Variants in SAMD11 observed in about 807,000 individuals in gnomAD.
The protein encoded by SAMD11 is sterile alpha motif domain containing 11.
Under a neutral mutation model 64.4 loss-of-function variants are expected in SAMD11, and 77 were observed. That is an observed-to-expected ratio of 1.20 (90% CI 0.99 to 1.44). SAMD11 has a LOEUF of 1.44. Ranked by LOEUF, SAMD11 falls within the 40% of genes most tolerant of loss-of-function variation. The pLI is 0.00. For synonymous variants in SAMD11, 658 were observed against 421.9 expected (o/e 1.56, Z -6.86); for missense variants, 1,402 against 943.3 (o/e 1.49, Z -6.37).
Position 942,663 on chromosome 1 carries a change from A to C in SAMD11, c.1658A>C (p.Glu553Ala), listed in dbSNP as rs1641859052. Residue 553 changes from glutamate (E) to alanine (A), a missense_variant, in exon 11 of 14, where the codon GAG becomes GCG. Physicochemically the swap from Glu to Ala is moderately radical, Grantham distance 107. Transcript: ENST00000616016. ...TALRPNDGAEELQRRGALLVL... is the reference protein window; with the variant it reads ...TALRPNDGAEALQRRGALLVL... Reference sequence around the variant, plus strand: ...CTGCGCCCCAACGACGGCGCCGAGGAGCTGCAGCGGCGCGGGGCCCTGCTG... The same window carrying C: ...CTGCGCCCCAACGACGGCGCCGAGGCGCTGCAGCGGCGCGGGGCCCTGCTG... The C allele has an allele frequency of 1.4e-6, 2 of 1,431,754 alleles. No individual in the cohort carries two copies. Among genetic ancestry groups the C allele is most frequent in the Non-Finnish European group, 1.8e-6 (2 of 1,100,464 alleles). The allele number at this position is 1,431,754 out of a possible 1,614,324, so 88.7% of individuals were successfully genotyped here.
intron 4 of SAMD11, among the ~76,000 whole-genome samples, chr1:934,862 CGTT>C (rs1641341359): frequency 6.2e-5 from 1 of 16,006 alleles, no homozygotes; most frequent in Non-Finnish European, 1.5e-4. Context: ...GAGGCGGCTG[CGTT>C]ACAGGTGGGC....
At position 940,743 on chromosome 1, in the gene SAMD11, C is replaced by T. The variant is rs112499703; in HGVS notation, c.1196-401C>T. On this transcript the variant is annotated intron_variant, in intron 7 of 13. Transcript: ENST00000616016. ...GGCCAGCCGCGTCTACTATGGGGAC[C>T]TCAGATTTTCTTGCCTCCCACCGAA... 9.7e-4 allele frequency among the ~76,000 whole-genome samples: 147 copies of T among 152,308 alleles called. 1 individual carries two copies. The highest frequency in any genetic ancestry group is 3.5e-3 in the African/African-American group (144 of 41,572).
At position 944,287 on chromosome 1, in the gene SAMD11, C is replaced by A; in HGVS notation, c.*134C>A. ...AAAATTTTAAAAGAAAATGTGACTT[C>A]AAAGGAAAGGAACAAATTTTCAAAG... On this transcript the variant is annotated 3_prime_UTR_variant, in exon 14 of 14. Transcript: ENST00000616016. 15 of 1,420,344 alleles carry A rather than the reference C, an allele frequency of 1.1e-5. No individual in the cohort carries two copies. The highest frequency in any genetic ancestry group is 1.4e-5 in the Non-Finnish European group (15 of 1,090,112). The allele number at this position is 1,420,344 out of a possible 1,614,324, so 88.0% of individuals were successfully genotyped here.
At chr1:943,880 C>A (rs752757591) in intron 13 of SAMD11, 28 bp from the exon 14 acceptor site, 1 of 1,612,966 alleles carries the variant, frequency 6.2e-7, no homozygotes, top group South Asian at 1.1e-5. Context: ...GGGTGTGCGA[C>A]AGCCCCCACC....
In SAMD11 at chr1:942,976, C is replaced by A; in HGVS notation, c.1971C>A (p.Ala657=). 2 of 1,536,356 alleles carry A rather than the reference C, an allele frequency of 1.3e-6. No individual in the cohort carries two copies. The highest frequency in any genetic ancestry group is 1.7e-6 in the Non-Finnish European group (2 of 1,143,272). The part of the protein sequence containing the change: ...PTPGQAPAGG[A]GAEGKGLFPG... ...CGGGCCAAGCTCCAGCTGGAGGGGC[C>A]GGCGCCGAGGGGAAGGGGCTTTTCC... The change falls in exon 11 of 14, where the codon GCC becomes GCA. Residue 657 remains alanine (A), a synonymous_variant. Coordinates refer to ENST00000616016, the MANE Select transcript of SAMD11 (RefSeq NM_001385641.1).
rs74045401 is a variant in SAMD11, at chr1:926,150, G to A, written c.609+137G>A. On this transcript the variant is annotated intron_variant, in intron 2 of 13. Coordinates refer to ENST00000616016, the MANE Select transcript of SAMD11 (RefSeq NM_001385641.1). ...GCTGGAGGGAGCCTCCGAAGGGCAGGGGGAAGCGGCTTTACCTCGTGCTCT... is the reference window on the plus strand; with the variant it reads ...GCTGGAGGGAGCCTCCGAAGGGCAGAGGGAAGCGGCTTTACCTCGTGCTCT... The A allele has an allele frequency of 3.8e-4, 319 of 831,506 alleles. No homozygotes were observed. In the African/African-American group the frequency reaches 4.9e-3, roughly 13 times the overall value. 51.5% of individuals were successfully genotyped at this position (831,506 alleles called of 1,614,324 possible).
At chr1:926,040 G>C in intron 2 of SAMD11, 27 bp downstream of exon 2, 1 of 1,603,646 alleles carries the variant, frequency 6.2e-7, no homozygotes, top group Non-Finnish European at 8.5e-7. Flanking sequence ...GGTTGGGGCT[G>C]GGAGTTACTC....
rs537222882 is a variant in SAMD11, at chr1:944,228, C to A, written c.*75C>A. ...TCAACACAATGGCCCTGCCTCCCAC[C>A]GCTTTATTTCTTTCGGTTTCGGATG... On this transcript the variant is annotated 3_prime_UTR_variant, in exon 14 of 14. Transcript: ENST00000616016. The A allele has an allele frequency of 1.4e-6, 2 of 1,458,042 alleles. No individual in the cohort carries two copies. The highest frequency in any genetic ancestry group is 2.5e-5 in the East Asian group (1 of 40,274). 90.3% of individuals were successfully genotyped at this position (1,458,042 alleles called of 1,614,324 possible).
intron 2 of SAMD11, among the ~76,000 whole-genome samples, 190 bp from the exon 3 acceptor site, chr1:929,965 A>G (rs1417317341): frequency 6.6e-6 from 1 of 152,076 alleles, no homozygotes; most frequent in South Asian, 2.1e-4. Flanking sequence ...CCCCAGGCGC[A>G]TCCCAGAGGC....
At chr1:937,264 G>C (rs1248214681) in intron 5 of SAMD11, among the ~76,000 whole-genome samples, 1 of 152,114 alleles carries the variant, frequency 6.6e-6, no homozygotes, top group African/African-American at 2.4e-5. Flanking sequence ...GCACCTCCCT[G>C]GGCCCTGGGC....
rs1258475969 is a variant in SAMD11 at position 943,897 on chromosome 1, T to C, written c.2290-11T>C. 1 of 1,612,882 alleles carries C rather than the reference T, an allele frequency of 6.2e-7. No individual in the cohort carries two copies. Among genetic ancestry groups the C allele is most frequent in the East Asian group, 2.2e-5 (1 of 44,862 alleles). On this transcript the variant is annotated splice_polypyrimidine_tract_variant and intron_variant, in intron 13 of 13. Coordinates refer to ENST00000616016, the MANE Select transcript of SAMD11 (RefSeq NM_001385641.1). ...GTGTGCGACAGCCCCCACCAGGCCA[T>C]CTCTCTGCAGGTGGCCAGGCGCCTG...
chr1:941,678 C>G (rs1239678969), intron 8 of SAMD11, among the ~76,000 whole-genome samples: 1 of 152,084 alleles, frequency 6.6e-6, no homozygotes, highest in Admixed American at 6.5e-5. Flanking sequence ...CCGGCACAGA[C>G]AAGGCCTCCG....
In SAMD11 at chr1:939,149, G is replaced by C; in HGVS notation, c.1057+20G>C. The stretch of plus-strand genomic sequence containing the variant: ...CTCAAGGTAAGAGCGTGGCTGGGAC[G>C]AGAGACAGGTCACCAGGGGAGGGGG... On this transcript the variant is annotated intron_variant, in intron 6 of 13. Transcript: ENST00000616016. The C allele has an allele frequency of 6.4e-7, 1 of 1,568,152 alleles. No homozygotes were observed. Among genetic ancestry groups the C allele is most frequent in the Non-Finnish European group, 8.7e-7 (1 of 1,155,704 alleles).
At chr1:928,195 C>T (rs1303129441) in intron 2 of SAMD11, among the ~76,000 whole-genome samples, 9 of 152,076 alleles carry the variant, frequency 5.9e-5, no homozygotes, top group South Asian at 2.1e-4. Flanking sequence ...AGATCGAGAC[C>T]ATCCTGACTA....
At position 939,447 on chromosome 1, in the gene SAMD11, C is replaced by T. The variant is rs1569901807; in HGVS notation, c.1195+35C>T. The T allele has an allele frequency of 3.1e-6, 5 of 1,600,092 alleles. No homozygotes were observed. Among genetic ancestry groups the T allele is most frequent in the Non-Finnish European group, 4.3e-6 (5 of 1,171,224 alleles). ...CACCCTGGCATGATCCCCCTCATCACCTCCCCAGCCACGGTGAGGACCCAC... is the reference window on the plus strand; with the variant it reads ...CACCCTGGCATGATCCCCCTCATCATCTCCCCAGCCACGGTGAGGACCCAC... On this transcript the variant is annotated intron_variant, in intron 7 of 13. Transcript: ENST00000616016.
At chr1:926,507 G>A (rs769988820) in intron 2 of SAMD11, among the ~76,000 whole-genome samples, 6 of 152,210 alleles carry the variant, frequency 3.9e-5, no homozygotes, top group African/African-American at 9.6e-5. Context: ...GGGCCTGGAC[G>A]TCGAAGTGTG....
Position 944,249 on chromosome 1 carries a change from G to T in SAMD11, c.*96G>T. 6.9e-7 allele frequency: 1 copy of T among 1,453,256 alleles called. No homozygotes were observed. Among genetic ancestry groups the T allele is most frequent in the Non-Finnish European group, 9.1e-7 (1 of 1,104,048 alleles). 90.0% of individuals were successfully genotyped at this position (1,453,256 alleles called of 1,614,324 possible). A position where few individuals can be genotyped will look rare whatever the true frequency, so the allele number is the denominator to read the frequency against. On this transcript the variant is annotated 3_prime_UTR_variant, in exon 14 of 14. Transcript: ENST00000616016. ...CCACCGCTTTATTTCTTTCGGTTTCGGATGCAAAACAAAAAATTTTAAAAG... is the reference window on the plus strand; with the variant it reads ...CCACCGCTTTATTTCTTTCGGTTTCTGATGCAAAACAAAAAATTTTAAAAG...
intron 8 of SAMD11, 148 bp downstream of exon 8, chr1:941,454 G>C: frequency 1.2e-6 from 1 of 823,022 alleles, no homozygotes; most frequent in Non-Finnish European, 1.8e-6. Flanking sequence ...GGGTGACACC[G>C]ATCTGGGCTG....
rs1641918472 is a variant in SAMD11 at position 943,238 on chromosome 1, C to CTA, written c.2054-15_2054-14insTA. The CTA allele has an allele frequency of 6.2e-7, 1 of 1,612,478 alleles. No individual in the cohort carries two copies. The highest frequency in any genetic ancestry group is 1.7e-5 in the Admixed American group (1 of 59,894). The stretch of plus-strand genomic sequence containing the variant: ...AAAGCCAGCCAGAGCCCTAGTAACA[C>CTA]GCCCCACAACTCAGGCGCGGTAGGG... On this transcript the variant is annotated splice_polypyrimidine_tract_variant and intron_variant, in intron 11 of 13. Transcript: ENST00000616016.
Sources: gnomAD v4.1 joint callset for allele counts (sites outside exome capture counted in the v4.1 genomes callset) on GRCh38, gnomAD v4.1.1 for gene constraint, MANE v1.5 for transcripts, NCBI Gene and HGNC (gene_info 2026-07-23, HGNC 2026-07-21) for gene names.